GABRD: variants seen among roughly 807,000 people sequenced by gnomAD.
GABRD encodes the protein gamma-aminobutyric acid type A receptor subunit delta.
GABRD carries 25 observed loss-of-function variants against 47.3 expected under a neutral mutation model. The ratio of observed to expected loss-of-function variants is 0.53; its 90% CI spans 0.39 to 0.74. The LOEUF is 0.74. GABRD is among the 30% of genes least tolerant of loss of function. The pLI, the probability that GABRD is intolerant of heterozygous loss-of-function variation, is 0.00. For synonymous variants in GABRD, 314 were observed against 278.8 expected, an observed-to-expected ratio of 1.13 and a Z score of -1.26; for missense variants, 497 against 643.4, an observed-to-expected ratio of 0.77 and a Z score of 2.46.
chr1:2,025,796 G>A (rs1658908078), intron 4 of GABRD, 58 bp downstream of exon 4: 5 of 1,503,534 alleles, frequency 3.3e-6, no homozygotes, highest in African/African-American at 2.8e-5. Flanking sequence ...AAGCGTCGGC[G>A]CCTGGACGCT....
chr1:2,020,741 G>A (rs546123525), intron 1 of GABRD, among the ~76,000 whole-genome samples: 4 of 152,310 alleles, frequency 2.6e-5, no homozygotes, highest in Non-Finnish European at 4.4e-5. Context: ...CCAGGCCCAC[G>A]GCCACTTAGC....
Position 2,029,166 on chromosome 1 carries a change from G to T in GABRD, c.747G>T (p.Val249=). 6.4e-7 allele frequency: 1 copy of T among 1,553,934 alleles called. No homozygotes were observed. Among genetic ancestry groups the T allele is most frequent in the Non-Finnish European group, 8.7e-7 (1 of 1,150,788 alleles). Residue 249 remains valine, a synonymous_variant, in exon 7 of 9, where the codon GTG becomes GTT. Coordinates refer to ENST00000378585, the MANE Select transcript of GABRD (RefSeq NM_000815.5). ...LHFHLRRNRG[V]YIIQSYMPSV... ...TCCACCTGCGGAGGAACCGCGGCGTGTACATCATCCAATCCTACATGCCCT... is the reference window on the plus strand; with the variant it reads ...TCCACCTGCGGAGGAACCGCGGCGTTTACATCATCCAATCCTACATGCCCT...
chr1:2,029,490 AGGCTGGGATGGGGC>A, intron 7 of GABRD, 47 bp from the exon 8 acceptor site: 1 of 1,596,920 alleles, frequency 6.3e-7, no homozygotes, highest in African/African-American at 1.3e-5. Flanking sequence ...ACAGGCATCA[AGGCTGGGATGGGGC>A]GGCGTGAGGG....
intron 5 of GABRD, 97 bp downstream of exon 5, chr1:2,027,756 A>T (rs1019251037): frequency 3.5e-6 from 4 of 1,130,238 alleles, no homozygotes; most frequent in African/African-American, 3.1e-5. Flanking sequence ...CCGGCTCAGG[A>T]TGCAGGAAAG....
At chr1:2,026,402 G>C (rs1005878588) in intron 4 of GABRD, 21 of 152,570 alleles carry the variant, frequency 1.4e-4, no homozygotes, top group Admixed American at 1.4e-3. Flanking sequence ...CCATCCCTCT[G>C]CCGAGGGGCG....
At chr1:2,024,810 A>G in intron 1 of GABRD, 132 bp from the exon 2 acceptor site, 1 of 635,048 alleles carries the variant, frequency 1.6e-6, no homozygotes, top group Non-Finnish European at 2.8e-6. Context: ...CCCACCTGCA[A>G]GGGCTCCCAC....
intron 7 of GABRD, 103 bp from the exon 8 acceptor site, chr1:2,029,448 G>A (rs1284976579): frequency 4.0e-6 from 6 of 1,508,818 alleles, no homozygotes; most frequent in Non-Finnish European, 5.4e-6. Flanking sequence ...TGGGCATGGG[G>A]GTGGGGGGCA....
In GABRD at chr1:2,028,825, G is replaced by A. The variant is rs1659003662; in HGVS notation, c.692-286G>A. The A allele has an allele frequency of 8.0e-6, 4 of 498,078 alleles. No individual in the cohort carries two copies. The highest frequency in any genetic ancestry group is 2.8e-5 in the South Asian group (1 of 36,164). The allele number at this position is 498,078 out of a possible 1,614,324, so 30.9% of individuals were successfully genotyped here. On this transcript the variant is annotated intron_variant, in intron 6 of 8. Coordinates refer to ENST00000378585, the MANE Select transcript of GABRD (RefSeq NM_000815.5). The surrounding 1 kb of genome is among the most constrained non-coding windows in gnomAD (Gnocchi z 6.4). Reference sequence around the variant, plus strand: ...GGGGTGAGCCCTCCCCATTGGTTGCGAGGGTCCCTCAGGGCCAGTCCAGCA... The same window carrying A: ...GGGGTGAGCCCTCCCCATTGGTTGCAAGGGTCCCTCAGGGCCAGTCCAGCA...
intron 4 of GABRD, 176 bp from the exon 5 acceptor site, chr1:2,027,401 T>C (rs1028800258): frequency 3.0e-6 from 2 of 668,448 alleles, no homozygotes; most frequent in Admixed American, 2.1e-5. Flanking sequence ...AAGGAATACT[T>C]GACGTCTATG....
Position 2,028,059 on chromosome 1 carries a change from G to C in GABRD, c.554-96G>C. On this transcript the variant is annotated intron_variant, in intron 5 of 8. Coordinates refer to ENST00000378585, the MANE Select transcript of GABRD (RefSeq NM_000815.5). The surrounding 1 kb of genome is among the most constrained non-coding windows in gnomAD (Gnocchi z 6.4). ...GCTCGGTCCCCATCACGATGGCGTC[G>C]GCCCCCTGCAGGCTTCCTGTGTGGA... 1 of 1,389,560 alleles carries C rather than the reference G, an allele frequency of 7.2e-7. No homozygotes were observed. Among genetic ancestry groups the C allele is most frequent in the Non-Finnish European group, 9.8e-7 (1 of 1,019,500 alleles). The allele number at this position is 1,389,560 out of a possible 1,614,324, so 86.1% of individuals were successfully genotyped here. A position where few individuals can be genotyped will look rare whatever the true frequency, so the allele number is the denominator to read the frequency against.
intron 1 of GABRD, chr1:2,024,709 G>T: frequency 2.4e-6 from 1 of 408,320 alleles, no homozygotes; most frequent in Non-Finnish European, 4.4e-6. Context: ...ACTGAGGCCG[G>T]AGGAGGAAGC....
chr1:2,020,573 G>T (rs764925378), intron 1 of GABRD, among the ~76,000 whole-genome samples: 1 of 152,216 alleles, frequency 6.6e-6, no homozygotes, highest in East Asian at 1.9e-4. Flanking sequence ...ACTGCCCCTG[G>T]CTCTAAGCAG....
intron 5 of GABRD, chr1:2,027,946 G>C: frequency 1.6e-6 from 1 of 620,478 alleles, no homozygotes; most frequent in Non-Finnish European, 2.8e-6. Context: ...CCTGACAACG[G>C]TGACCCCATC....
intron 4 of GABRD, 111 bp downstream of exon 4, chr1:2,025,849 T>TGGCG: frequency 1.1e-6 from 1 of 940,112 alleles, no homozygotes; most frequent in South Asian, 1.6e-5. Context: ...TGCCGGGAGC[T>TGGCG]GGCGGGCGGG....
chr1:2,024,114 T>G (rs550641186), intron 1 of GABRD: 1 of 152,360 alleles, frequency 6.6e-6, no homozygotes, highest in East Asian at 1.9e-4. Flanking sequence ...CTTAACTAAT[T>G]ACCTCTGCAA....
intron 4 of GABRD, 173 bp from the exon 5 acceptor site, chr1:2,027,404 C>A (rs536807033): frequency 3.0e-6 from 2 of 671,222 alleles, no homozygotes; most frequent in African/African-American, 1.8e-5. Flanking sequence ...GAATACTTGA[C>A]GTCTATGAAG....
rs1015076121 is a variant in GABRD at position 2,025,288 on chromosome 1, T to C, written c.182-46T>C. The C allele has an allele frequency of 3.7e-6, 6 of 1,608,262 alleles. No individual in the cohort carries two copies. In the Admixed American group the frequency reaches 1.0e-4, roughly 27 times the overall value. On this transcript the variant is annotated intron_variant, in intron 2 of 8. Coordinates refer to ENST00000378585, the MANE Select transcript of GABRD (RefSeq NM_000815.5). ...CGGCAGGGTCCCATCGTGGCTCCCA[T>C]GCTGGGCCGGCCTCAGTCCTTCTTA...
Position 2,030,160 on chromosome 1 carries a change from G to T in GABRD, c.1237G>T (p.Gly413Trp). 6.3e-7 allele frequency: 1 copy of T among 1,575,826 alleles called. No individual in the cohort carries two copies. Among genetic ancestry groups the T allele is most frequent in the Non-Finnish European group, 8.6e-7 (1 of 1,159,516 alleles). The change falls in exon 9 of 9, where the codon GGG becomes TGG. Residue 413 changes from glycine to tryptophan, a missense_variant. By Grantham distance (184) the Gly-to-Trp change is radical (BLOSUM62 -2). This residue lies in a region of GABRD where 121 missense variants were observed against 121.3 expected (regional missense o/e 1.00). Transcript: ENST00000378585. ...GGGGGCAGCCCGCTCAGGAGGCCAG[G>T]GGGGCATCCGTGCCCGGCTCAGGCC... ...KEGAARSGGQ[G>W]GIRARLRPID...
At chr1:2,025,426 A>G (rs1571027651) in intron 3 of GABRD, 25 bp downstream of exon 3, 8 of 1,612,630 alleles carry the variant, frequency 5.0e-6, no homozygotes, top group East Asian at 2.2e-5. Context: ...CCTCTGCCTC[A>G]GGCACGGTGG....
Sources: gnomAD v4.1 joint callset for allele counts (sites outside exome capture counted in the v4.1 genomes callset) on GRCh38, gnomAD v4.1.1 for gene constraint, gnomAD v4.1.1 regional missense constraint, Gnocchi (gnomAD v3.1) non-coding constraint, MANE v1.5 for transcripts, NCBI Gene and HGNC (gene_info 2026-07-23, HGNC 2026-07-21) for gene names.